Variants in ST14 observed in about 807,000 individuals in gnomAD.
ST14 encodes the protein ST14 transmembrane serine protease matriptase, also known as suppressor of tumorigenicity 14 protein.
ST14 carries 40 observed loss-of-function variants against 96.5 expected under a neutral mutation model. That is an observed-to-expected ratio of 0.41 (90% CI 0.32 to 0.54). ST14 has a LOEUF of 0.54. Among genes scored for constraint, ST14 ranks in the 20% least tolerant of loss-of-function variants. ST14 has a pLI of 0.17. For synonymous variants in ST14, 506 were observed against 492.1 expected, an observed-to-expected ratio of 1.03 and a Z score of -0.37; for missense variants, 1,066 against 1,188.9, an observed-to-expected ratio of 0.90 and a Z score of 1.52.
intron 15 of ST14, 89 bp downstream of exon 15, chr11:130,199,158 G>A: frequency 1.5e-6 from 2 of 1,373,352 alleles, no homozygotes; most frequent in Non-Finnish European, 2.0e-6. Context: ...AATCCCGCCA[G>A]CACCTCACTT....
intron 8 of ST14, 58 bp from the exon 9 acceptor site, chr11:130,194,582 C>G: frequency 1.9e-6 from 3 of 1,558,186 alleles, no homozygotes; most frequent in South Asian, 2.2e-5. Context: ...AGCCCTCGTC[C>G]GCCTGCTCGG....
rs771453215 is a variant in ST14 at position 130,190,497 on chromosome 11, G to A, written c.678G>A (p.Met226Ile). 6 of 1,608,780 alleles carry A rather than the reference G, an allele frequency of 3.7e-6. No homozygotes were observed. The South Asian group carries it at 6.6e-5, about 18-fold the overall frequency. ...FGLHARGVEL[M>I]RFTTPGFPDS... ...TGCACGCCCGCGGTGTGGAGCTGAT[G>A]CGCTTCACCACGCCCGGCTTCCCTG... is the stretch of plus-strand genomic sequence containing the variant. Residue 226 changes from methionine to isoleucine, a missense_variant, in exon 7 of 19, where the codon ATG becomes ATA. Coordinates refer to ENST00000278742, the MANE Select transcript of ST14 (RefSeq NM_021978.4).
At chr11:130,178,240 C>G (rs141856108) in intron 1 of ST14, among the ~76,000 whole-genome samples, 105 of 152,306 alleles carry the variant, frequency 6.9e-4, no homozygotes, top group African/African-American at 2.4e-3. Flanking sequence ...AAAAGAGTCT[C>G]CTGGTGTGAG....
At chr11:130,173,132 G>A (rs1165889639) in intron 1 of ST14, among the ~76,000 whole-genome samples, 1 of 152,090 alleles carries the variant, frequency 6.6e-6, no homozygotes, top group Non-Finnish European at 1.5e-5. Context: ...ACCACTTACG[G>A]CCTTCCAAAT....
intron 16 of ST14, among the ~76,000 whole-genome samples, chr11:130,203,813 C>T (rs776166071): frequency 3.9e-5 from 6 of 152,130 alleles, no homozygotes; most frequent in East Asian, 1.9e-4. Context: ...CCACCGTGCC[C>T]GGCTAATTTT....
chr11:130,171,241 C>T (rs1188069074), intron 1 of ST14, among the ~76,000 whole-genome samples: 1 of 152,162 alleles, frequency 6.6e-6, no homozygotes, highest in Non-Finnish European at 1.5e-5. Context: ...GCAAAATATC[C>T]ATCACCTTCC....
At position 130,209,829 on chromosome 11, in the gene ST14, G is replaced by A. The variant is rs771312887; in HGVS notation, c.*6G>A. 4 of 1,612,780 alleles carry A rather than the reference G, an allele frequency of 2.5e-6. No homozygotes were observed. In the Admixed American group the frequency reaches 5.0e-5, roughly 20 times the overall value. On this transcript the variant is annotated 3_prime_UTR_variant, in exon 19 of 19. Coordinates refer to ENST00000278742, the MANE Select transcript of ST14 (RefSeq NM_021978.4). ...AAGAGAACACTGGGGTATAGGGGCC[G>A]GGGCCACCCAAATGTGTACACCTGC...
intron 9 of ST14, 71 bp from the exon 10 acceptor site, chr11:130,196,268 C>T: frequency 8.0e-7 from 1 of 1,253,168 alleles, no homozygotes; most frequent in Non-Finnish European, 1.1e-6. Context: ...GCCGCTGCCT[C>T]CCTTTGACGT....
intron 1 of ST14, among the ~76,000 whole-genome samples, chr11:130,184,367 G>T (rs181782052): frequency 7.9e-5 from 12 of 151,740 alleles, no homozygotes. Context: ...CGCAAAATAC[G>T]GGAGAGAAAA....
At chr11:130,176,046 A>G (rs185060344) in intron 1 of ST14, among the ~76,000 whole-genome samples, 1 of 150,550 alleles carries the variant, frequency 6.6e-6, no homozygotes, top group Admixed American at 6.6e-5. Context: ...TAGGGATGCA[A>G]TGCGTTTCTG....
intron 11 of ST14, among the ~76,000 whole-genome samples, chr11:130,197,153 G>A (rs1481462401): frequency 2.6e-5 from 4 of 152,178 alleles, no homozygotes; most frequent in African/African-American, 4.8e-5. Context: ...TCAACCCTGC[G>A]TCATAGAATA....
rs1953398287 is a variant in ST14 at position 130,198,890 on chromosome 11, T to C, written c.1685-57T>C. 1.2e-5 allele frequency: 20 copies of C among 1,611,664 alleles called. No homozygotes were observed. In the South Asian group the frequency reaches 2.1e-4, roughly 17 times the overall value. On this transcript the variant is annotated intron_variant, in intron 14 of 18. Transcript: ENST00000278742. ...TGAGGCGCCATTGGTGGTTTCTGGC[T>C]TCTGGTCGGATGCTGCAGAGGAATT...
At chr11:130,203,418 C>T (rs1953452129) in intron 16 of ST14, among the ~76,000 whole-genome samples, 1 of 152,224 alleles carries the variant, frequency 6.6e-6, no homozygotes, top group African/African-American at 2.4e-5. Context: ...CTACTTCCTT[C>T]CCTCTCAGGA....
At chr11:130,169,614 G>A (rs558695976) in intron 1 of ST14, among the ~76,000 whole-genome samples, 15 of 152,228 alleles carry the variant, frequency 9.9e-5, no homozygotes, top group African/African-American at 2.9e-4. Context: ...CGTGAGTAGC[G>A]GTGAAACGGG....
rs7126904 is a variant in ST14 at position 130,190,674 on chromosome 11, G to A, written c.855G>A (p.Met285Ile). The A allele has an allele frequency of 0.016, 25,653 of 1,593,564 alleles. 3,245 individuals are homozygous for A. The African/African-American group carries it at 0.29, about 18-fold the overall frequency. Residue 285 changes from methionine to isoleucine, a missense_variant, in exon 7 of 19, where the codon ATG (methionine) becomes ATA (isoleucine). Coordinates refer to ENST00000278742, the MANE Select transcript of ST14 (RefSeq NM_021978.4). ...CGGTGTACAACACCCTGAGCCCCAT[G>A]GAGCCCCACGCCCTGGTGCAGTGAG... ...LVTVYNTLSPMEPHALVQLCG... is the reference protein window; with the variant it reads ...LVTVYNTLSPIEPHALVQLCG...
At position 130,198,514 on chromosome 11, in the gene ST14, C is replaced by T. The variant is rs200414478; in HGVS notation, c.1577C>T (p.Pro526Leu). The change falls in exon 14 of 19, where the codon CCG becomes CTG. Residue 526 changes from proline to leucine, a missense_variant. By Grantham distance (98) the Pro-to-Leu change is moderately conservative (BLOSUM62 -3). Coordinates refer to ENST00000278742, the MANE Select transcript of ST14 (RefSeq NM_021978.4). ...DNSDEQGCSC[P>L]AQTFRCSNGK... ...AGTCCTGGTGCCTCTCCAGGTTGTC[C>T]GGCCCAGACCTTCAGGTGTTCCAAT... The T allele has an allele frequency of 8.6e-5, 138 of 1,614,010 alleles. No homozygotes were observed. The highest frequency in any genetic ancestry group is 5.8e-4 in the South Asian group (53 of 91,068).
chr11:130,163,057 G>A (rs1210818642), intron 1 of ST14, among the ~76,000 whole-genome samples: 1 of 152,336 alleles, frequency 6.6e-6, no homozygotes, highest in South Asian at 2.1e-4. Context: ...AAGTTGCAGT[G>A]TGGTGTTCAA....
rs767602517 is a variant in ST14, at chr11:130,196,456, C to T, written c.1223+8C>T. ...GGAGATCAACGGGGAGAAGTGAGTC[C>T]CCGGGGGTATGGGGGCTGCCGGGCC... On this transcript the variant is annotated splice_region_variant and intron_variant, in intron 10 of 18. Coordinates refer to ENST00000278742, the MANE Select transcript of ST14 (RefSeq NM_021978.4). 1.9e-6 allele frequency: 3 copies of T among 1,603,368 alleles called. No individual in the cohort carries two copies. Among genetic ancestry groups the T allele is most frequent in the African/African-American group, 1.3e-5 (1 of 74,924 alleles).
chr11:130,166,209 C>T (rs941444585), intron 1 of ST14, among the ~76,000 whole-genome samples: 1 of 152,168 alleles, frequency 6.6e-6, no homozygotes, highest in African/African-American at 2.4e-5. Flanking sequence ...AAAATGAAAA[C>T]CAATTCACCC....
Sources: gnomAD v4.1 joint callset for allele counts (sites outside exome capture counted in the v4.1 genomes callset) on GRCh38, gnomAD v4.1.1 for gene constraint, MANE v1.5 for transcripts, NCBI Gene and HGNC (gene_info 2026-07-23, HGNC 2026-07-21) for gene names.